UGT1A10: variants seen among roughly 807,000 people sequenced by gnomAD.
UGT1A10 encodes UDP-glucuronosyltransferase 1A10.
UGT1A10 carries 49 observed loss-of-function variants against 45.8 expected under a neutral mutation model. That is an observed-to-expected ratio of 1.07 (90% CI 0.85 to 1.36). The LOEUF (loss-of-function observed/expected upper bound fraction) is 1.36, where lower values mean the gene tolerates loss of function less well. Ranked by LOEUF, UGT1A10 falls within the 40% of genes most tolerant of loss-of-function variation. The probability of loss-of-function intolerance (pLI) is 0.00; values close to 1 mark genes in which losing one functional copy is unlikely to be tolerated. For synonymous variants in UGT1A10, 284 were observed against 249.7 expected (o/e 1.14, Z -1.29); for missense variants, 745 against 668.6 (o/e 1.11, Z -1.26).
chr2:233,753,697 A>G (rs1238167644), intron 1 of UGT1A10: 1 of 152,206 alleles, frequency 6.6e-6, no homozygotes, highest in African/African-American at 2.4e-5. Flanking sequence ...TTACAGATGC[A>G]CTTGGCTTTC....
intron 1 of UGT1A10, 44 bp from the exon 2 acceptor site, chr2:233,766,990 G>T: frequency 1.2e-6 from 2 of 1,613,182 alleles, no homozygotes; most frequent in Non-Finnish European, 8.5e-7. Context: ...AGTCATCAAA[G>T]AATATGAGAA....
rs192671736 is a variant in UGT1A10, at chr2:233,743,440, G to T, written c.856-23594G>T. 5.4e-5 allele frequency: 74 copies of T among 1,361,822 alleles called. 1 individual carries two copies. The African/African-American group carries it at 9.7e-4, about 18-fold the overall frequency. The allele number at this position is 1,361,822 out of a possible 1,614,324, so 84.4% of individuals were successfully genotyped here. A position where few individuals can be genotyped will look rare whatever the true frequency, so the allele number is the denominator to read the frequency against. Reference sequence around the variant, plus strand: ...CAGGGAGCCAAAGGAACGAAATCCTGTATCAAAAGAAGAAAAAACACCCCC... The same window carrying T: ...CAGGGAGCCAAAGGAACGAAATCCTTTATCAAAAGAAGAAAAAACACCCCC... On this transcript the variant is annotated intron_variant, in intron 1 of 4. Transcript: ENST00000344644.
chr2:233,671,782 T>C (rs1034261818), intron 1 of UGT1A10: 21 of 1,403,412 alleles, frequency 1.5e-5, no homozygotes, highest in Non-Finnish European at 1.9e-5. Flanking sequence ...TCTTGTTCTT[T>C]TGGGTAAATC....
intron 1 of UGT1A10, chr2:233,729,645 G>T (rs752981175): frequency 8.7e-6 from 14 of 1,613,504 alleles, no homozygotes; most frequent in Non-Finnish European, 1.2e-5. Flanking sequence ...TGTTTTTTTT[G>T]AGGAACATTC....
At chr2:233,756,741 CCTT>C (rs1339727663) in intron 1 of UGT1A10, among the ~76,000 whole-genome samples, 3 of 152,100 alleles carry the variant, frequency 2.0e-5, no homozygotes, top group African/African-American at 7.2e-5. Context: ...TTCACCTCCT[CCTT>C]ATTCTCTTTT....
chr2:233,761,244 C>A lies in UGT1A10; in HGVS notation c.856-5790C>A, dbSNP rs555483711. 5.0e-6 allele frequency: 8 copies of A among 1,610,826 alleles called. No homozygotes were observed. In the African/African-American group the frequency reaches 1.1e-4, roughly 21 times the overall value. On this transcript the variant is annotated intron_variant, in intron 1 of 4. Transcript: ENST00000344644. ...TAGCCCCAGATATATGCTGAGCAAG[C>A]ATTCTGAGATAATTTAAAATGCCCT...
At position 233,767,071 on chromosome 2, in the gene UGT1A10, G is replaced by A. The variant is rs1451220464; in HGVS notation, c.893G>A (p.Gly298Glu). The A allele has an allele frequency of 2.3e-5, 37 of 1,614,098 alleles. No individual in the cohort carries two copies. The highest frequency in any genetic ancestry group is 3.1e-5 in the Non-Finnish European group (37 of 1,180,012). ...EAYINASGEHGIVVFSLGSMV... is the reference protein window; with the variant it reads ...EAYINASGEHEIVVFSLGSMV... Reference sequence around the variant, plus strand: ...TACATTAATGCTTCTGGAGAACATGGAATTGTGGTTTTCTCTTTGGGATCA... The same window carrying A: ...TACATTAATGCTTCTGGAGAACATGAAATTGTGGTTTTCTCTTTGGGATCA... The change falls in exon 2 of 5, where the codon GGA becomes GAA. Residue 298 changes from glycine to glutamate, a missense_variant. Transcript: ENST00000344644.
rs1224727482 is a variant in UGT1A10, at chr2:233,769,496, T to C, written c.1295+1057T>C. 1 of 1,612,570 alleles carries C rather than the reference T, an allele frequency of 6.2e-7. No homozygotes were observed. The highest frequency in any genetic ancestry group is 8.5e-7 in the Non-Finnish European group (1 of 1,179,780). Reference sequence around the variant, plus strand: ...GTGTGTGTGCGTGTGTTTATGAGAGTGTCCATTGCTTTCTCCCATGGTTAC... The same window carrying C: ...GTGTGTGTGCGTGTGTTTATGAGAGCGTCCATTGCTTTCTCCCATGGTTAC... On this transcript the variant is annotated intron_variant, in intron 4 of 4. Coordinates refer to ENST00000344644, the MANE Select transcript of UGT1A10 (RefSeq NM_019075.4). The surrounding 1 kb of genome is among the most constrained non-coding windows in gnomAD (Gnocchi z 4.4).
chr2:233,676,076 C>G (rs1402003172), intron 1 of UGT1A10, among the ~76,000 whole-genome samples: 3 of 152,182 alleles, frequency 2.0e-5, no homozygotes, highest in Non-Finnish European at 4.4e-5. Flanking sequence ...ACAAGTGTGT[C>G]AAGATCATTC....
chr2:233,741,879 A>G (rs775156771), intron 1 of UGT1A10: 10 of 151,838 alleles, frequency 6.6e-5, no homozygotes, highest in Non-Finnish European at 1.2e-4. Context: ...CTCAGAGGTG[A>G]CCCTAGAAGA....
At chr2:233,757,062 G>C (rs1469367274) in intron 1 of UGT1A10, among the ~76,000 whole-genome samples, 1 of 151,518 alleles carries the variant, frequency 6.6e-6, no homozygotes, top group South Asian at 2.1e-4. Flanking sequence ...GAACAGCAAG[G>C]GATCCAGAAT....
At chr2:233,747,144 A>C in intron 1 of UGT1A10, 1 of 1,563,462 alleles carries the variant, frequency 6.4e-7, no homozygotes, top group Non-Finnish European at 8.7e-7. Context: ...CAAGGTAATT[A>C]AGATGAAGAA....
In UGT1A10 at chr2:233,766,945, A is replaced by G. The variant is rs1284295869; in HGVS notation, c.856-89A>G. 3.1e-6 allele frequency: 5 copies of G among 1,597,954 alleles called. No homozygotes were observed. In the East Asian group the frequency reaches 1.1e-4, roughly 36 times the overall value. ...ACGCATGCCTTTAATCATAGTCTTA[A>G]GAGGAAGATATCTAATTCATAACTT... On this transcript the variant is annotated intron_variant, in intron 1 of 4. Coordinates refer to ENST00000344644, the MANE Select transcript of UGT1A10 (RefSeq NM_019075.4).
chr2:233,672,369 G>T lies in UGT1A10; in HGVS notation c.855+34992G>T, dbSNP rs928548039. Reference sequence around the variant, plus strand: ...TAAAGGAGAGTTCTTTTGATGCAGTGTTTCTCGATCCTTTTGATAACTGTG... The same window carrying T: ...TAAAGGAGAGTTCTTTTGATGCAGTTTTTCTCGATCCTTTTGATAACTGTG... On this transcript the variant is annotated intron_variant, in intron 1 of 4. Coordinates refer to ENST00000344644, the MANE Select transcript of UGT1A10 (RefSeq NM_019075.4). 3.1e-6 allele frequency: 5 copies of T among 1,613,986 alleles called. No individual in the cohort carries two copies. In the African/African-American group the frequency reaches 6.7e-5, roughly 22 times the overall value.
At chr2:233,680,120 G>A (rs2074476021) in intron 1 of UGT1A10, among the ~76,000 whole-genome samples, 1 of 151,566 alleles carries the variant, frequency 6.6e-6, no homozygotes, top group Non-Finnish European at 1.5e-5. Flanking sequence ...CTCAATCTAC[G>A]GTACCTATCA....
rs1203076441 is a variant in UGT1A10, at chr2:233,734,271, G to C, written c.856-32763G>C. Among the ~76,000 whole-genome samples, 2 of 152,098 alleles carry C rather than the reference G, an allele frequency of 1.3e-5. 1 individual carries two copies. The highest frequency in any genetic ancestry group is 1.3e-4 in the Admixed American group (2 of 15,272). ...GTCTTGGGAGGGTGTATGTGTCCAG[G>C]AATTTATCCATTTCTTCTAGATTTT... On this transcript the variant is annotated intron_variant, in intron 1 of 4. Coordinates refer to ENST00000344644, the MANE Select transcript of UGT1A10 (RefSeq NM_019075.4).
At chr2:233,655,195 C>T (rs936304155) in intron 1 of UGT1A10, among the ~76,000 whole-genome samples, 2 of 152,170 alleles carry the variant, frequency 1.3e-5, no homozygotes, top group African/African-American at 4.8e-5. Flanking sequence ...ATTACATGGT[C>T]ACAAACAGTG....
intron 1 of UGT1A10, among the ~76,000 whole-genome samples, chr2:233,750,965 G>A (rs1482754384): frequency 1.3e-5 from 2 of 151,940 alleles, no homozygotes; most frequent in Admixed American, 6.5e-5. Context: ...CTGGGGCACT[G>A]CCTAGTGGAG....
chr2:233,713,306 T>A, intron 1 of UGT1A10: 1 of 1,614,234 alleles, frequency 6.2e-7, no homozygotes, highest in Non-Finnish European at 8.5e-7. Flanking sequence ...AAACAGAACA[T>A]CTTCTGATGA....
Sources: allele counts gnomAD v4.1 joint callset (sites outside exome capture counted in the v4.1 genomes callset), GRCh38; gene constraint gnomAD v4.1.1; non-coding constraint Gnocchi (gnomAD v3.1); transcripts MANE v1.5; gene names NCBI Gene and HGNC (gene_info 2026-07-23, HGNC 2026-07-21).